Variants in VPS26C observed in about 807,000 individuals in gnomAD.
The protein encoded by VPS26C is VPS26 endosomal protein sorting factor C.
VPS26C carries 19 observed loss-of-function variants against 30.6 expected under a neutral mutation model. The ratio of observed to expected loss-of-function variants is 0.62; its 90% CI spans 0.43 to 0.91. VPS26C has a LOEUF of 0.91. Ranked by LOEUF, VPS26C falls within the 40% of genes least tolerant of loss-of-function variation. The pLI, the probability that VPS26C is intolerant of heterozygous loss-of-function variation, is 0.00. For missense variants in VPS26C, 318 were observed against 385.1 expected (o/e 0.83, Z 1.46); for synonymous variants, 132 against 151.5 (o/e 0.87, Z 0.95).
intron 3 of VPS26C, among the ~76,000 whole-genome samples, chr21:37,235,868 TA>T (rs57135752): frequency 0.018 from 2,022 of 113,142 alleles, 32 homozygotes; most frequent in African/African-American, 0.04. Flanking sequence ...TATATATATA[TA>T]TATATATATA....
chr21:37,242,319 C>G (rs1210100514), intron 1 of VPS26C, among the ~76,000 whole-genome samples: 1 of 152,142 alleles, frequency 6.6e-6, no homozygotes, highest in Non-Finnish European at 1.5e-5. Flanking sequence ...AAATTCAGGC[C>G]AGGTAACATG....
intron 1 of VPS26C, among the ~76,000 whole-genome samples, chr21:37,254,286 A>G (rs188625208): frequency 6.6e-5 from 10 of 152,340 alleles, no homozygotes; most frequent in Admixed American, 5.9e-4. Context: ...AGAGGACAAG[A>G]GATGAGTCTA....
At chr21:37,236,810 C>A (rs1417656455) in intron 3 of VPS26C, among the ~76,000 whole-genome samples, 2 of 152,208 alleles carry the variant, frequency 1.3e-5, no homozygotes, top group Admixed American at 1.3e-4. Context: ...ATGGTAAAAT[C>A]TGATGATGAA....
intron 2 of VPS26C, among the ~76,000 whole-genome samples, chr21:37,239,747 C>A (rs2086065897): frequency 6.6e-6 from 1 of 151,838 alleles, no homozygotes; most frequent in East Asian, 1.9e-4. Context: ...GGGGCACACG[C>A]CATCACACCC....
chr21:37,256,076 T>G (rs1332983946), intron 1 of VPS26C, among the ~76,000 whole-genome samples: 1 of 152,184 alleles, frequency 6.6e-6, no homozygotes, highest in Non-Finnish European at 1.5e-5. Context: ...CCTCAGGTGA[T>G]CTGCCTGCCT....
intron 1 of VPS26C, chr21:37,262,024 G>A (rs2086309788): frequency 6.6e-6 from 1 of 151,918 alleles, no homozygotes; most frequent in African/African-American, 2.4e-5. Context: ...TAAAAAGGAG[G>A]CTACAATTCA....
chr21:37,263,955 T>C (rs1042330552), intron 1 of VPS26C, among the ~76,000 whole-genome samples: 1 of 152,098 alleles, frequency 6.6e-6, no homozygotes, highest in African/African-American at 2.4e-5. Flanking sequence ...ATGTGACATA[T>C]GCACTGTCTG....
intron 1 of VPS26C, among the ~76,000 whole-genome samples, chr21:37,262,475 T>C (rs1289817004): frequency 3.9e-5 from 6 of 152,228 alleles, no homozygotes; most frequent in African/African-American, 1.4e-4. Context: ...CATCTTTTAT[T>C]TTATATATTT....
In VPS26C at chr21:37,226,971, G is replaced by C. The variant is rs1050688056; in HGVS notation, c.811+683C>G. 6.6e-6 allele frequency: 1 copy of C among 152,240 alleles called. No individual in the cohort carries two copies. Among genetic ancestry groups the C allele is most frequent in the African/African-American group, 2.4e-5 (1 of 41,456 alleles). The allele number at this position is 152,240 out of a possible 1,614,324, so 9.4% of individuals were successfully genotyped here. On this transcript the variant is annotated intron_variant, in intron 7 of 7. Coordinates refer to ENST00000309117, the MANE Select transcript of VPS26C (RefSeq NM_006052.2). This position sits in a 1 kb window ranked among gnomAD's most constrained non-coding sequence, Gnocchi z 4.1. ...GGAGGTCCCATTACAATATTTATAG[G>C]AAGAGTTAAAAACATGGAAATGTTC...
At chr21:37,266,861 G>A in intron 1 of VPS26C, 3 of 342,418 alleles carry the variant, frequency 8.8e-6, no homozygotes, top group South Asian at 5.8e-5. Flanking sequence ...AGGAGAGAGG[G>A]AAAGGGGAGT....
At chr21:37,228,760 A>C (rs2085931799) in intron 5 of VPS26C, 1 of 168,868 alleles carries the variant, frequency 5.9e-6, no homozygotes, top group East Asian at 1.8e-4. Context: ...GGCCAGGCAC[A>C]GTGGCTCAGG....
In VPS26C at chr21:37,233,405, G is replaced by A; in HGVS notation, c.389C>T (p.Ala130Val). The change falls in exon 4 of 8, where the codon GCC becomes GTC. Residue 130 changes from alanine (A) to valine (V), a missense_variant. By Grantham distance (64) the Ala-to-Val change is moderately conservative. Transcript: ENST00000309117. The surrounding 1 kb of genome is among the most constrained non-coding windows in gnomAD (Gnocchi z 5.2). Reference sequence around the variant, plus strand: ...TTCACAGGTCTTTGTCAAGTCCTTGGCCAACAGAGACCGCTTCATGTCACA... The same window carrying A: ...TTCACAGGTCTTTGTCAAGTCCTTGACCAACAGAGACCGCTTCATGTCACA... ...LRCDMKRSLL[A>V]KDLTKTCEFI... 6.2e-7 allele frequency: 1 copy of A among 1,614,156 alleles called. No homozygotes were observed. Among genetic ancestry groups the A allele is most frequent in the South Asian group, 1.1e-5 (1 of 91,074 alleles).
chr21:37,234,705 T>TGGAACAACAAGCTAATA (rs1306615630), intron 3 of VPS26C, among the ~76,000 whole-genome samples: 1 of 152,122 alleles, frequency 6.6e-6, no homozygotes, highest in Admixed American at 6.5e-5. Flanking sequence ...GAAGCTAATA[T>TGGAACAACAAGCTAATA]TCGTATGAAC....
In VPS26C at chr21:37,226,911, A is replaced by C. The variant is rs944927561; in HGVS notation, c.811+743T>G. 6.6e-6 allele frequency: 1 copy of C among 152,216 alleles called. No individual in the cohort carries two copies. The highest frequency in any genetic ancestry group is 1.5e-5 in the Non-Finnish European group (1 of 68,050). 9.4% of individuals were successfully genotyped at this position (152,216 alleles called of 1,614,324 possible). Reference sequence around the variant, plus strand: ...TCTGTTCTACTTCTTCGTAGTGTGGAGTGATCTCCCAATTAACATGATTCT... The same window carrying C: ...TCTGTTCTACTTCTTCGTAGTGTGGCGTGATCTCCCAATTAACATGATTCT... On this transcript the variant is annotated intron_variant, in intron 7 of 7. Transcript: ENST00000309117. This position sits in a 1 kb window ranked among gnomAD's most constrained non-coding sequence, Gnocchi z 4.1.
chr21:37,267,723 C>T (rs954756022), upstream of VPS26C: 9 of 234,516 alleles, frequency 3.8e-5, no homozygotes, highest in Admixed American at 1.0e-4. Flanking sequence ...AAGGATGACG[C>T]TCCCGTCAGG....
Position 37,267,249 on chromosome 21 carries a change from A to G in VPS26C, c.46T>C (p.Tyr16His). The change falls in exon 1 of 8, where the codon TAT becomes CAT. Residue 16 changes from tyrosine (Y) to histidine (H), a missense_variant. Tyr to His is a moderately conservative substitution (Grantham distance 83). Transcript: ENST00000309117. ...CAGCCCCCACTTACCCCGGCGTGAT[A>G]AACTTTATTCGCTCTTTTAATCTTG... Reference protein sequence around the residue: ...DIKIKRANKVYHAGEVLSGVV... With the variant: ...DIKIKRANKVHHAGEVLSGVV... 1 of 1,308,720 alleles carries G rather than the reference A, an allele frequency of 7.6e-7. No homozygotes were observed. The highest frequency in any genetic ancestry group is 1.0e-6 in the Non-Finnish European group (1 of 965,720). 81.1% of individuals were successfully genotyped at this position (1,308,720 alleles called of 1,614,324 possible).
rs1265514561 is a variant in VPS26C, at chr21:37,233,080, C to A, written c.432+282G>T. On this transcript the variant is annotated intron_variant, in intron 4 of 7. Coordinates refer to ENST00000309117, the MANE Select transcript of VPS26C (RefSeq NM_006052.2). The surrounding 1 kb of genome is among the most constrained non-coding windows in gnomAD (Gnocchi z 5.2). ...ATCCAGGGGCTGGGATGCAAAGGGC[C>A]AGTCTACCATCCAGAGAGCCAGGGG... Among the ~76,000 whole-genome samples, 1 of 152,198 alleles carries A rather than the reference C, an allele frequency of 6.6e-6. No individual in the cohort carries two copies. Among genetic ancestry groups the A allele is most frequent in the African/African-American group, 2.4e-5 (1 of 41,442 alleles).
At chr21:37,228,425 G>C (rs1356579593) in intron 5 of VPS26C, 52 bp from the exon 6 acceptor site, 3 of 1,595,186 alleles carry the variant, frequency 1.9e-6, no homozygotes, top group Non-Finnish European at 2.6e-6. Context: ...GGGGGAAAGT[G>C]CTCCATACTT....
At chr21:37,263,370 A>G (rs939717498) in intron 1 of VPS26C, among the ~76,000 whole-genome samples, 5 of 152,214 alleles carry the variant, frequency 3.3e-5, no homozygotes, top group African/African-American at 1.2e-4. Flanking sequence ...TCTATATTAC[A>G]AATTCCTCCA....
Sources: allele counts gnomAD v4.1 joint callset (sites outside exome capture counted in the v4.1 genomes callset), GRCh38; gene constraint gnomAD v4.1.1; non-coding constraint Gnocchi (gnomAD v3.1); transcripts MANE v1.5; gene names NCBI Gene and HGNC (gene_info 2026-07-23, HGNC 2026-07-21).